PLPP1: variants seen among roughly 807,000 people sequenced by gnomAD.
PLPP1 encodes lipid phosphate phosphohydrolase 1a.
In PLPP1, 24 loss-of-function variants were observed where a neutral mutation model predicts 31.2. The ratio of observed to expected loss-of-function variants is 0.77; its 90% confidence interval spans 0.56 to 1.08. The LOEUF (loss-of-function observed/expected upper bound fraction) is 1.08, where lower values mean the gene tolerates loss of function less well. PLPP1 is among the 50% of genes least tolerant of loss of function. The probability of loss-of-function intolerance (pLI) is 0.00; values close to 1 mark genes in which losing one functional copy is unlikely to be tolerated. For synonymous variants in PLPP1, 146 were observed against 126.3 expected (o/e 1.16, Z -1.05); for missense variants, 319 against 342.7 (o/e 0.93, Z 0.55).
At chr5:55,516,589 C>T (rs1245867267) in intron 1 of PLPP1, among the ~76,000 whole-genome samples, 1 of 152,144 alleles carries the variant, frequency 6.6e-6, no homozygotes. Context: ...GGAGAACATA[C>T]AGATTAAGAC....
At chr5:55,459,470 C>T (rs964724216) in intron 3 of PLPP1, among the ~76,000 whole-genome samples, 2 of 152,162 alleles carry the variant, frequency 1.3e-5, no homozygotes, top group Admixed American at 1.3e-4. Context: ...TAGAACATTT[C>T]ACCCAGAAAA....
rs529067608 is a variant in PLPP1 at position 55,458,887 on chromosome 5, CAAAAAAAAAAAAAAAA to C, written c.491+8966_491+8981del. 1.4e-4 allele frequency among the ~76,000 whole-genome samples: 3 copies of C among 21,096 alleles called. 1 individual carries two copies. The highest frequency in any genetic ancestry group is 2.9e-4 in the Non-Finnish European group (2 of 6,914). The allele number at this position is 21,096 out of a possible 152,430, so 13.8% of individuals were successfully genotyped here. ...TGGGCAACAGAGGAGACCCTGTCTC[CAAAAAAAAAAAAAAAA>C]AAAAAAAAAAAAACACATAGCAAAA... On this transcript the variant is annotated intron_variant, in intron 3 of 5. Coordinates refer to ENST00000307259, the MANE Select transcript of PLPP1 (RefSeq NM_003711.4).
chr5:55,507,860 T>C (rs866505696), intron 1 of PLPP1, among the ~76,000 whole-genome samples: 192 of 4,078 alleles, frequency 0.047, 2 homozygotes, highest in Middle Eastern at 0.39. Context: ...ACTGAAAACT[T>C]TTTTTTTTTT....
At chr5:55,478,810 T>C (rs1472199787) in intron 1 of PLPP1, among the ~76,000 whole-genome samples, 5 of 152,092 alleles carry the variant, frequency 3.3e-5, no homozygotes, top group African/African-American at 9.7e-5. Context: ...TTGCCAGTCT[T>C]AGTAAAAGAG....
intron 3 of PLPP1, among the ~76,000 whole-genome samples, chr5:55,465,658 G>C (rs1752274644): frequency 6.6e-6 from 1 of 152,188 alleles, no homozygotes; most frequent in Non-Finnish European, 1.5e-5. Flanking sequence ...GGATAAGCTT[G>C]TATCAGATTT....
At chr5:55,483,941 T>C (rs1752723413) in intron 1 of PLPP1, among the ~76,000 whole-genome samples, 1 of 152,214 alleles carries the variant, frequency 6.6e-6, no homozygotes. Context: ...TCTTCTACGA[T>C]GAGCTACTAA....
At chr5:55,520,045 T>C (rs982456759) in intron 1 of PLPP1, among the ~76,000 whole-genome samples, 2 of 152,232 alleles carry the variant, frequency 1.3e-5, no homozygotes, top group African/African-American at 2.4e-5. Flanking sequence ...CTTCATGTTT[T>C]AGGAGCTGAG....
At chr5:55,491,143 A>G in intron 1 of PLPP1, 2 of 1,601,650 alleles carry the variant, frequency 1.2e-6, no homozygotes, top group African/African-American at 1.3e-5. Flanking sequence ...AAAGACACAC[A>G]TGATTAAATT....
intron 1 of PLPP1, among the ~76,000 whole-genome samples, chr5:55,486,518 G>A (rs902531987): frequency 8.5e-5 from 13 of 152,082 alleles, no homozygotes; most frequent in Middle Eastern, 3.4e-3. Flanking sequence ...CCCAGGAGGC[G>A]GAGGTTGCAG....
intron 3 of PLPP1, among the ~76,000 whole-genome samples, chr5:55,444,195 C>T (rs1371819993): frequency 2.4e-5 from 2 of 82,930 alleles, no homozygotes; most frequent in Non-Finnish European, 5.4e-5. Flanking sequence ...GATTCTCCTG[C>T]CTCAGCCTCC....
chr5:55,437,841 A>G (rs992760729), intron 4 of PLPP1, among the ~76,000 whole-genome samples: 4 of 152,236 alleles, frequency 2.6e-5, no homozygotes, highest in Admixed American at 6.5e-5. Flanking sequence ...CATTTGCCCA[A>G]TGTTCAGCAA....
In PLPP1 at chr5:55,498,419, A is replaced by AACAC. The variant is rs371878208; in HGVS notation, c.59-22973_59-22970dup. Among the ~76,000 whole-genome samples the AACAC allele has an allele frequency of 4.8e-3, 724 of 150,694 alleles. 2 individuals carry two copies. Among genetic ancestry groups the AACAC allele is most frequent in the African/African-American group, 0.017 (682 of 41,172 alleles). Reference sequence around the variant, plus strand: ...TACATATAGATGTGTGTGTATCTAAAACACACACACACACACACACCTCTT... The same window carrying AACAC: ...TACATATAGATGTGTGTGTATCTAAAACACACACACACACACACACACACCTCTT... On this transcript the variant is annotated intron_variant, in intron 1 of 5. Transcript: ENST00000307259.
intron 1 of PLPP1, among the ~76,000 whole-genome samples, chr5:55,529,270 T>C (rs1452717861): frequency 3.5e-4 from 1 of 2,858 alleles, no homozygotes; most frequent in East Asian, 2.1e-3. Flanking sequence ...CACACAAAAG[T>C]ATATATATAT....
At chr5:55,486,099 T>C (rs971060819) in intron 1 of PLPP1, among the ~76,000 whole-genome samples, 2 of 152,208 alleles carry the variant, frequency 1.3e-5, no homozygotes, top group Non-Finnish European at 2.9e-5. Flanking sequence ...TTTGCTACTG[T>C]GACAGGCCAA....
intron 3 of PLPP1, among the ~76,000 whole-genome samples, chr5:55,457,834 A>G (rs1752054875): frequency 6.6e-6 from 1 of 151,344 alleles, no homozygotes; most frequent in Non-Finnish European, 1.5e-5. Context: ...GGTTGCAGTG[A>G]GCCAAGATCA....
chr5:55,477,912 A>G (rs1422475921), intron 1 of PLPP1, among the ~76,000 whole-genome samples: 3 of 151,688 alleles, frequency 2.0e-5, no homozygotes, highest in African/African-American at 7.3e-5. Context: ...CCCAGGAGGT[A>G]GAGGTTGCAG....
intron 4 of PLPP1, among the ~76,000 whole-genome samples, chr5:55,429,608 C>T (rs1013137238): frequency 1.3e-5 from 2 of 152,090 alleles, no homozygotes; most frequent in African/African-American, 4.8e-5. Context: ...GCTCATCCCC[C>T]CGAGTCCTAA....
intron 1 of PLPP1, among the ~76,000 whole-genome samples, chr5:55,486,923 A>C (rs1034039886): frequency 3.3e-5 from 5 of 152,308 alleles, no homozygotes; most frequent in South Asian, 4.1e-4. Flanking sequence ...AAAAAAAAAA[A>C]AGTGATTAAG....
At chr5:55,473,894 T>C (rs1752475149) in intron 2 of PLPP1, among the ~76,000 whole-genome samples, 1 of 152,160 alleles carries the variant, frequency 6.6e-6, no homozygotes, top group African/African-American at 2.4e-5. Flanking sequence ...GTCTCAATAC[T>C]TCAGGGCTCA....
Sources: allele counts gnomAD v4.1 joint callset (sites outside exome capture counted in the v4.1 genomes callset), GRCh38; gene constraint gnomAD v4.1.1; transcripts MANE v1.5; gene names NCBI Gene and HGNC (gene_info 2026-07-23, HGNC 2026-07-21).